The following ZXDC variants were observed in gnomAD, a reference collection of about 807,000 sequenced individuals.
ZXDC encodes the protein ZXD family zinc finger C, also known as zinc finger protein ZXDC.
In ZXDC, 58 loss-of-function variants were observed where a neutral mutation model predicts 63.6. That is an observed-to-expected ratio of 0.91 (90% confidence interval 0.74 to 1.13). The LOEUF (loss-of-function observed/expected upper bound fraction) is 1.13. Among genes scored for constraint, ZXDC ranks in the 50% most tolerant of loss-of-function variants. The pLI is 0.00. For missense variants in ZXDC, 1,133 were observed against 1,148.9 expected (o/e 0.99, Z 0.20); for synonymous variants, 561 against 496.1 (o/e 1.13, Z -1.74).
chr3:126,452,255 T>G, intron 7 of ZXDC: 1 of 985,478 alleles, frequency 1.0e-6, no homozygotes, highest in Non-Finnish European at 1.2e-6. Context: ...TTCCGTTTTC[T>G]TAGACGTTCT....
In ZXDC at chr3:126,460,956, C is replaced by A. The variant is rs143611578; in HGVS notation, c.2127+579G>T. 3.9e-4 allele frequency: 386 copies of A among 981,718 alleles called. 5 individuals are homozygous for A. The East Asian group carries it at 0.028, about 71-fold the overall frequency. 60.8% of individuals were successfully genotyped at this position (981,718 alleles called of 1,614,324 possible). On this transcript the variant is annotated intron_variant, in intron 6 of 9. Coordinates refer to ENST00000389709, the MANE Select transcript of ZXDC (RefSeq NM_025112.5). Reference sequence around the variant, plus strand: ...GAAAGTCAGACTATCTCCTAAGAATCTTTAAATTATTTTAAATTAAATTAT... The same window carrying A: ...GAAAGTCAGACTATCTCCTAAGAATATTTAAATTATTTTAAATTAAATTAT...
At chr3:126,457,263 G>A (rs529655120) in intron 7 of ZXDC, 1 of 985,294 alleles carries the variant, frequency 1.0e-6, no homozygotes, top group Non-Finnish European at 1.2e-6. Flanking sequence ...TGCTTTGAGG[G>A]GAGGCGGGCA....
intron 7 of ZXDC, among the ~76,000 whole-genome samples, chr3:126,457,880 C>T (rs887104609): frequency 9.2e-5 from 14 of 152,104 alleles, no homozygotes; most frequent in Admixed American, 9.2e-4. Flanking sequence ...AACCACTAAA[C>T]GTAACTACTA....
chr3:126,449,707 C>A (rs1441076401), intron 7 of ZXDC, among the ~76,000 whole-genome samples: 2 of 152,188 alleles, frequency 1.3e-5, no homozygotes, highest in Non-Finnish European at 1.5e-5. Flanking sequence ...AGGGACTTTC[C>A]ACTGGGCTGC....
At chr3:126,463,259 C>T (rs1164191288) in intron 5 of ZXDC, among the ~76,000 whole-genome samples, 2 of 151,954 alleles carry the variant, frequency 1.3e-5, no homozygotes, top group African/African-American at 2.4e-5. Flanking sequence ...TTAGTAGAGA[C>T]GGGGTTTCAC....
At chr3:126,444,425 G>A (rs959656890) in intron 7 of ZXDC, among the ~76,000 whole-genome samples, 7 of 151,908 alleles carry the variant, frequency 4.6e-5, no homozygotes, top group South Asian at 2.1e-4. Flanking sequence ...CCAGCTACTC[G>A]GGAGGCTGAG....
At chr3:126,473,179 G>C (rs558047838) in intron 1 of ZXDC, among the ~76,000 whole-genome samples, 1 of 152,194 alleles carries the variant, frequency 6.6e-6, no homozygotes, top group Non-Finnish European at 1.5e-5. Flanking sequence ...ATACCTCCAG[G>C]GTATTTTGGG....
intron 7 of ZXDC, chr3:126,457,723 G>A (rs1234832447): frequency 6.9e-5 from 62 of 897,682 alleles, no homozygotes; most frequent in Non-Finnish European, 8.0e-5. Flanking sequence ...AGAAAGGAAT[G>A]ACAGATTTAG....
chr3:126,473,415 T>C (rs1007660394), intron 1 of ZXDC, among the ~76,000 whole-genome samples: 2 of 152,160 alleles, frequency 1.3e-5, no homozygotes, highest in African/African-American at 4.8e-5. Flanking sequence ...CTTCTAAACA[T>C]CTAATCTCAT....
In ZXDC at chr3:126,455,153, A is replaced by G. The variant is rs77067749; in HGVS notation, c.2212+4500T>C. 1,548 of 951,056 alleles carry G rather than the reference A, an allele frequency of 1.6e-3. 18 individuals carry two copies. In the African/African-American group the frequency reaches 0.025, roughly 16 times the overall value. The allele number at this position is 951,056 out of a possible 1,614,324, so 58.9% of individuals were successfully genotyped here. A position where few individuals can be genotyped will look rare whatever the true frequency, so the allele number is the denominator to read the frequency against. On this transcript the variant is annotated intron_variant, in intron 7 of 9. Coordinates refer to ENST00000389709, the MANE Select transcript of ZXDC (RefSeq NM_025112.5). ...TTGAAACCAAAAAATCCCAAACCCAATTTTTTTTCCCTAAACTTAATGCCA... is the reference window on the plus strand; with the variant it reads ...TTGAAACCAAAAAATCCCAAACCCAGTTTTTTTTCCCTAAACTTAATGCCA...
intron 8 of ZXDC, chr3:126,440,637 C>G: frequency 1.0e-6 from 1 of 986,504 alleles, no homozygotes; most frequent in Non-Finnish European, 1.2e-6. Context: ...TCCCCCTCCC[C>G]CTGCCCCTGC....
intron 4 of ZXDC, among the ~76,000 whole-genome samples, chr3:126,470,094 G>A (rs777497): frequency 0.51 from 76,785 of 152,034 alleles, 21,437 homozygotes; most frequent in Non-Finnish European, 0.62. Flanking sequence ...CACAAGTCAC[G>A]CACAGGTCAC....
intron 7 of ZXDC, among the ~76,000 whole-genome samples, chr3:126,447,202 C>T (rs1236328734): frequency 1.3e-5 from 2 of 152,194 alleles, no homozygotes; most frequent in Non-Finnish European, 2.9e-5. Flanking sequence ...TGGGATTTTA[C>T]AGGAACTGAA....
In ZXDC at chr3:126,439,531, C is replaced by G. The variant is rs1019732612; in HGVS notation, c.2490+101G>C. ...AACCCACTGAGCCTCCCAAGCCACG[C>G]GGCCTCAGTGACCAGCCTGCAGCTG... On this transcript the variant is annotated intron_variant, in intron 9 of 9. Transcript: ENST00000389709. 2.1e-5 allele frequency: 32 copies of G among 1,543,242 alleles called. 1 individual carries two copies. In the East Asian group the frequency reaches 7.6e-4, roughly 37 times the overall value.
chr3:126,462,578 T>C (rs1482408291), intron 5 of ZXDC, among the ~76,000 whole-genome samples: 1 of 152,180 alleles, frequency 6.6e-6, no homozygotes, highest in Non-Finnish European at 1.5e-5. Flanking sequence ...CTTGCATCCA[T>C]GTCTTTCTGG....
At chr3:126,456,912 C>A (rs6801123) in intron 7 of ZXDC, among the ~76,000 whole-genome samples, 11 of 152,238 alleles carry the variant, frequency 7.2e-5, no homozygotes, top group Admixed American at 5.9e-4. Context: ...GTGTGGACAG[C>A]ATGGCCCAGG....
chr3:126,456,241 C>T (rs866388631), intron 7 of ZXDC, among the ~76,000 whole-genome samples: 2 of 152,254 alleles, frequency 1.3e-5, no homozygotes, highest in Non-Finnish European at 2.9e-5. Context: ...AGAGAGGCCT[C>T]GCCTCTGCCC....
At chr3:126,460,120 G>C (rs1292720366) in intron 6 of ZXDC, 1 of 985,268 alleles carries the variant, frequency 1.0e-6, no homozygotes, top group Non-Finnish European at 1.2e-6. Flanking sequence ...TTTCACACAC[G>C]TGCATGGCAG....
intron 7 of ZXDC, chr3:126,457,688 T>C (rs1287835559): frequency 4.1e-6 from 4 of 975,380 alleles, no homozygotes; most frequent in South Asian, 9.5e-5. Flanking sequence ...AGCTGCGCTT[T>C]ATAGACATGT....
Sources: allele counts gnomAD v4.1 joint callset (sites outside exome capture counted in the v4.1 genomes callset), GRCh38; gene constraint gnomAD v4.1.1; transcripts MANE v1.5; gene names NCBI Gene and HGNC (gene_info 2026-07-23, HGNC 2026-07-21).